ZNF407: variants seen among roughly 807,000 people sequenced by gnomAD.
ZNF407 encodes zinc finger protein 407.
ZNF407 carries 17 observed loss-of-function variants against 131.2 expected under a neutral mutation model. The observed-to-expected ratio is 0.13, with a 90% CI of 0.09 to 0.19. ZNF407 has a LOEUF of 0.19. Among genes scored for constraint, ZNF407 ranks in the 10% least tolerant of loss-of-function variants. The probability of loss-of-function intolerance (pLI) is 1.00; values close to 1 mark genes in which losing one functional copy is unlikely to be tolerated. For missense variants in ZNF407, 2,681 were observed against 2,830.6 expected (o/e 0.95, Z 1.20); for synonymous variants, 1,156 against 1,062.0 (o/e 1.09, Z -1.72).
At chr18:75,012,002 A>G (rs1316971606) in intron 8 of ZNF407, among the ~76,000 whole-genome samples, 1 of 152,128 alleles carries the variant, frequency 6.6e-6, no homozygotes, top group African/African-American at 2.4e-5. Context: ...TTATCATGTG[A>G]CATATTAAAA....
rs544762812 is a variant in ZNF407 at position 74,888,435 on chromosome 18, C to T, written c.5129-1483C>T. 3.3e-5 allele frequency among the ~76,000 whole-genome samples: 5 copies of T among 152,152 alleles called. No homozygotes were observed. In the South Asian group the frequency reaches 1.0e-3, roughly 32 times the overall value. ...TAATTTCTACATCAAATCAATGTAACATTATTAACAATATTTTTATCATAA... is the reference window on the plus strand; with the variant it reads ...TAATTTCTACATCAAATCAATGTAATATTATTAACAATATTTTTATCATAA... On this transcript the variant is annotated intron_variant, in intron 6 of 8. Transcript: ENST00000299687.
rs561179627 is a variant in ZNF407 at position 74,601,623 on chromosome 18, C to T, written c.-54+3686C>T. Among the ~76,000 whole-genome samples the T allele has an allele frequency of 8.5e-5, 13 of 152,198 alleles. No individual in the cohort carries two copies. In the South Asian group the frequency reaches 2.5e-3, roughly 29 times the overall value. ...GCTCTCCATCATGGCAGAAGGCAAA[C>T]GGGGAGCTTGCATATCCCATGGCAA... On this transcript the variant is annotated intron_variant, in intron 1 of 8. Coordinates refer to ENST00000299687, the MANE Select transcript of ZNF407 (RefSeq NM_017757.3).
At chr18:74,991,015 G>GA (rs1433532049) in intron 8 of ZNF407, among the ~76,000 whole-genome samples, 3 of 152,084 alleles carry the variant, frequency 2.0e-5, no homozygotes, top group South Asian at 2.1e-4. Flanking sequence ...AAGTTCAGAG[G>GA]AAAAAACTGG....
chr18:75,050,615 C>A (rs190568268), intron 8 of ZNF407, among the ~76,000 whole-genome samples: 1 of 152,256 alleles, frequency 6.6e-6, no homozygotes, highest in Admixed American at 6.5e-5. Flanking sequence ...ATTCAGGGAG[C>A]CCAAATCTTT....
At chr18:75,046,651 C>T (rs1973439028) in intron 8 of ZNF407, among the ~76,000 whole-genome samples, 1 of 152,020 alleles carries the variant, frequency 6.6e-6, no homozygotes, top group Non-Finnish European at 1.5e-5. Context: ...GCGGAATGAA[C>T]AGCATCCTCC....
At chr18:74,898,128 A>T (rs1377144952) in intron 7 of ZNF407, 1 of 152,100 alleles carries the variant, frequency 6.6e-6, no homozygotes, top group Admixed American at 6.5e-5. Flanking sequence ...CGTCGTTTTT[A>T]TGAAGCAGAG....
intron 3 of ZNF407, among the ~76,000 whole-genome samples, chr18:74,702,390 T>C (rs752410454): frequency 5.3e-5 from 8 of 152,152 alleles, no homozygotes; most frequent in Non-Finnish European, 1.0e-4. Flanking sequence ...CTGAAGAATA[T>C]TGACATTTAT....
At chr18:74,605,152 C>G (rs1323074754) in intron 1 of ZNF407, among the ~76,000 whole-genome samples, 1 of 152,088 alleles carries the variant, frequency 6.6e-6, no homozygotes, top group Non-Finnish European at 1.5e-5. Flanking sequence ...GTCTGCCTTC[C>G]CGGGGCCATT....
At chr18:74,725,964 G>C (rs1189302817) in intron 3 of ZNF407, among the ~76,000 whole-genome samples, 1 of 152,110 alleles carries the variant, frequency 6.6e-6, no homozygotes, top group East Asian at 1.9e-4. Context: ...TAATGTTTTT[G>C]ATATTGCCTT....
intron 8 of ZNF407, among the ~76,000 whole-genome samples, chr18:74,986,147 G>A (rs1449150741): frequency 6.6e-6 from 1 of 152,032 alleles, no homozygotes; most frequent in Non-Finnish European, 1.5e-5. Context: ...ACAGCACACA[G>A]CAGTTTCACC....
chr18:74,679,827 G>C (rs571334092), intron 3 of ZNF407, among the ~76,000 whole-genome samples: 2 of 152,308 alleles, frequency 1.3e-5, no homozygotes, highest in East Asian at 3.9e-4. Flanking sequence ...CCCCACAGTT[G>C]TCTGTTTTAT....
At chr18:74,873,029 A>G (rs190323416) in intron 4 of ZNF407, among the ~76,000 whole-genome samples, 1 of 152,322 alleles carries the variant, frequency 6.6e-6, no homozygotes, top group East Asian at 1.9e-4. Context: ...ACATAAGGTT[A>G]TAGATATAAC....
intron 4 of ZNF407, among the ~76,000 whole-genome samples, chr18:74,788,268 T>G: frequency 6.6e-6 from 1 of 152,216 alleles, no homozygotes; most frequent in Non-Finnish European, 1.5e-5. Context: ...GAAATTGTTT[T>G]TGAGTAAAAC....
At chr18:74,853,140 C>T (rs1970812916) in intron 4 of ZNF407, among the ~76,000 whole-genome samples, 1 of 152,172 alleles carries the variant, frequency 6.6e-6, no homozygotes, top group African/African-American at 2.4e-5. Flanking sequence ...ATCTTTGCTA[C>T]ACTAGATTAG....
At chr18:74,816,182 TATC>T (rs1970265249) in intron 4 of ZNF407, among the ~76,000 whole-genome samples, 1 of 152,172 alleles carries the variant, frequency 6.6e-6, no homozygotes, top group Non-Finnish European at 1.5e-5. Flanking sequence ...GATGGGTAAT[TATC>T]ATATTATATT....
At chr18:74,791,013 T>A (rs1011344852) in intron 4 of ZNF407, among the ~76,000 whole-genome samples, 1 of 152,212 alleles carries the variant, frequency 6.6e-6, no homozygotes, top group African/African-American at 2.4e-5. Flanking sequence ...GCATGATTGA[T>A]CTATTGTGAG....
intron 8 of ZNF407, among the ~76,000 whole-genome samples, chr18:75,003,163 G>A (rs189990725): frequency 5.3e-5 from 8 of 152,260 alleles, no homozygotes; most frequent in South Asian, 2.1e-4. Context: ...GAATTATTTC[G>A]AAAACCTAAA....
chr18:74,846,333 A>G (rs1436640281), intron 4 of ZNF407, among the ~76,000 whole-genome samples: 1 of 151,650 alleles, frequency 6.6e-6, no homozygotes, highest in African/African-American at 2.4e-5. Context: ...CTGAACTGGG[A>G]TGTTAAAACG....
At chr18:74,961,370 C>A (rs974602319) in intron 8 of ZNF407, among the ~76,000 whole-genome samples, 1 of 152,128 alleles carries the variant, frequency 6.6e-6, no homozygotes, top group Non-Finnish European at 1.5e-5. Context: ...TCATGTAGGG[C>A]CCCAGCCATC....
Sources: gnomAD v4.1 joint callset for allele counts (sites outside exome capture counted in the v4.1 genomes callset) on GRCh38, gnomAD v4.1.1 for gene constraint, MANE v1.5 for transcripts, NCBI Gene and HGNC (gene_info 2026-07-23, HGNC 2026-07-21) for gene names.